Variants in SLC25A24 observed in about 807,000 individuals in gnomAD.
SLC25A24 encodes the protein solute carrier family 25 member 24.
A neutral mutation model predicts 60.7 loss-of-function variants in SLC25A24; 49 were observed. The ratio of observed to expected loss-of-function variants is 0.81; its 90% CI spans 0.64 to 1.02. The LOEUF (loss-of-function observed/expected upper bound fraction) is 1.02, where lower values mean the gene tolerates loss of function less well. SLC25A24 is among the 50% of genes least tolerant of loss of function. The pLI is 0.00. For synonymous variants in SLC25A24, 202 were observed against 200.6 expected (o/e 1.01, Z -0.06); for missense variants, 564 against 586.3 (o/e 0.96, Z 0.39).
At chr1:108,198,110 G>C (rs961972714) in intron 1 of SLC25A24, among the ~76,000 whole-genome samples, 2 of 152,116 alleles carry the variant, frequency 1.3e-5, no homozygotes, top group Non-Finnish European at 2.9e-5. Context: ...CCCTCCCCAG[G>C]AGTCCAGCAG....
chr1:108,136,741 G>A lies in SLC25A24; in HGVS notation c.1346C>T (p.Pro449Leu). 1 of 1,614,052 alleles carries A rather than the reference G, an allele frequency of 6.2e-7. No individual in the cohort carries two copies. Among genetic ancestry groups the A allele is most frequent in the Non-Finnish European group, 8.5e-7 (1 of 1,179,930 alleles). The change falls in exon 10 of 10, where the codon CCA becomes CTA. Residue 449 changes from proline to leucine, a missense_variant. Pro to Leu is a moderately conservative substitution (Grantham distance 98). Transcript: ENST00000565488. ...AGCAGGGAGCACCTTCATGAAGTTT[G>A]GGGTGATGCCTCTGTAAAGTCCTGG... is the stretch of plus-strand genomic sequence containing the variant. ...GIPGLYRGIT[P>L]NFMKVLPAVG...
chr1:108,185,679 C>T (rs1648098673), intron 2 of SLC25A24, 149 bp downstream of exon 2: 1 of 591,042 alleles, frequency 1.7e-6, no homozygotes, highest in African/African-American at 2.0e-5. Context: ...ATAAACTCTA[C>T]ATAAAAATCA....
At chr1:108,180,162 G>A (rs188477625) in intron 3 of SLC25A24, among the ~76,000 whole-genome samples, 18 of 151,982 alleles carry the variant, frequency 1.2e-4, no homozygotes, top group African/African-American at 3.9e-4. Context: ...TCAGGAGTTC[G>A]AGACAAGCCT....
chr1:108,180,197 C>T (rs115877588), intron 3 of SLC25A24, among the ~76,000 whole-genome samples: 10,399 of 146,398 alleles, frequency 0.071, 483 homozygotes, highest in Middle Eastern at 0.14. Context: ...AAACCCGTCT[C>T]TAGTAAAAAT....
Position 108,143,564 on chromosome 1 carries a change from G to C in SLC25A24, c.1077C>G (p.Gly359=), listed in dbSNP as rs1258478738. 1 of 1,612,546 alleles carries C rather than the reference G, an allele frequency of 6.2e-7. No individual in the cohort carries two copies. Among genetic ancestry groups the C allele is most frequent in the African/African-American group, 1.3e-5 (1 of 74,836 alleles). The change falls in exon 8 of 10, where the codon GGC becomes GGG. Residue 359 remains glycine (G), a synonymous_variant. Coordinates refer to ENST00000565488, the MANE Select transcript of SLC25A24 (RefSeq NM_013386.5). ...TCACCTCATACACAGCAAGATCTAT[G>C]CCTGCATAAGGTATGATACCTAATA... ...PNLLGIIPYA[G]IDLAVYELLK... is the part of the protein sequence containing the mutation.
In SLC25A24 at chr1:108,155,453, G is replaced by GAACA. The variant is rs1475241927; in HGVS notation, c.670-322_670-319dup. On this transcript the variant is annotated intron_variant, in intron 5 of 9. Coordinates refer to ENST00000565488, the MANE Select transcript of SLC25A24 (RefSeq NM_013386.5). The stretch of plus-strand genomic sequence containing the variant: ...TAACTAAATTATGTATCAGGCAATG[G>GAACA]AACACCCTTTGAAACATGAACAGGC... Among the ~76,000 whole-genome samples the GAACA allele has an allele frequency of 3.3e-5, 5 of 151,718 alleles. No homozygotes were observed. In the East Asian group the frequency reaches 9.6e-4, roughly 29 times the overall value.
chr1:108,187,392 C>G (rs1030858654), intron 1 of SLC25A24, among the ~76,000 whole-genome samples: 1 of 151,930 alleles, frequency 6.6e-6, no homozygotes, highest in African/African-American at 2.4e-5. Context: ...ATTAACAAAG[C>G]CAAAAGATGG....
intron 1 of SLC25A24, 49 bp from the exon 2 acceptor site, chr1:108,186,003 C>G: frequency 7.1e-7 from 1 of 1,403,890 alleles, no homozygotes; most frequent in Non-Finnish European, 9.7e-7. Context: ...GGCTGATGCA[C>G]TAAATTATTT....
At chr1:108,162,536 G>C (rs1325083483) in intron 3 of SLC25A24, among the ~76,000 whole-genome samples, 1 of 150,834 alleles carries the variant, frequency 6.6e-6, no homozygotes, top group Non-Finnish European at 1.5e-5. Context: ...GCATTTCTCT[G>C]ATGGCCAGTG....
intron 3 of SLC25A24, among the ~76,000 whole-genome samples, chr1:108,167,057 G>C (rs1207969376): frequency 8.0e-6 from 1 of 125,462 alleles, no homozygotes; most frequent in Non-Finnish European, 1.7e-5. Flanking sequence ...GCTGTGTGAG[G>C]TGTCAGTGTG....
chr1:108,174,416 T>C (rs1429885466), intron 3 of SLC25A24, among the ~76,000 whole-genome samples: 1 of 152,218 alleles, frequency 6.6e-6, no homozygotes, highest in East Asian at 1.9e-4. Context: ...TGAGATCCTC[T>C]GCCTAGATTT....
Position 108,171,672 on chromosome 1 carries a change from A to C in SLC25A24, c.398+10269T>G, listed in dbSNP as rs74112054. ...GGACATAGAACTGTTAACCAGATAC[A>C]CATGGTCTGTGCCCTCAGTGGGAAC... On this transcript the variant is annotated intron_variant, in intron 3 of 9. Transcript: ENST00000565488. Among the ~76,000 whole-genome samples, 657 of 152,372 alleles carry C rather than the reference A, an allele frequency of 4.3e-3. 4 individuals carry two copies. Among genetic ancestry groups the C allele is most frequent in the African/African-American group, 0.015 (610 of 41,598 alleles).
intron 3 of SLC25A24, among the ~76,000 whole-genome samples, chr1:108,179,573 C>T (rs1191197957): frequency 1.3e-5 from 2 of 151,694 alleles, no homozygotes; most frequent in Admixed American, 1.3e-4. Context: ...GAAAACTATT[C>T]GGCCATTAAA....
Position 108,143,529 on chromosome 1 carries a change from T to A in SLC25A24, c.1098+14A>T, listed in dbSNP as rs200641397. On this transcript the variant is annotated intron_variant, in intron 8 of 9. Transcript: ENST00000565488. ...AACTGCATTTTCCAATTCAAAAGAT[T>A]TCTACAAACTCACCTCATACACAGC... The A allele has an allele frequency of 6.3e-7, 1 of 1,592,952 alleles. No homozygotes were observed. Among genetic ancestry groups the A allele is most frequent in the African/African-American group, 1.4e-5 (1 of 73,794 alleles).
chr1:108,163,581 A>G (rs190900187), intron 3 of SLC25A24, among the ~76,000 whole-genome samples: 246 of 152,190 alleles, frequency 1.6e-3, no homozygotes, highest in Admixed American at 3.7e-3. Context: ...TTCACTCATG[A>G]TTTGGCTCTC....
Position 108,138,256 on chromosome 1 carries a change from C to T in SLC25A24, c.1249+802G>A, listed in dbSNP as rs186068065. On this transcript the variant is annotated intron_variant, in intron 9 of 9. Transcript: ENST00000565488. ...GCATCTGGCAGTGTCTAGAATGGGA[C>T]AATGGCTCAGGGAGTATTTGCCAAT... Among the ~76,000 whole-genome samples the T allele has an allele frequency of 2.6e-4, 40 of 152,296 alleles. 1 individual carries two copies. The highest frequency in any genetic ancestry group is 5.1e-4 in the Non-Finnish European group (35 of 68,036).
intron 3 of SLC25A24, among the ~76,000 whole-genome samples, chr1:108,176,669 T>C (rs1173473794): frequency 6.6e-6 from 1 of 151,904 alleles, no homozygotes; most frequent in Non-Finnish European, 1.5e-5. Flanking sequence ...CCCAATATGG[T>C]TGGAAACAGA....
chr1:108,140,715 C>A (rs79824950), intron 8 of SLC25A24, among the ~76,000 whole-genome samples: 1 of 151,158 alleles, frequency 6.6e-6, no homozygotes, highest in Non-Finnish European at 1.5e-5. Flanking sequence ...AAATAAGTTG[C>A]TATAACTTTA....
chr1:108,187,120 G>C (rs1648154382), intron 1 of SLC25A24, among the ~76,000 whole-genome samples: 1 of 151,636 alleles, frequency 6.6e-6, no homozygotes, highest in East Asian at 1.9e-4. Flanking sequence ...CATTGTGACT[G>C]GATGGTTTCA....
Sources: allele counts gnomAD v4.1 joint callset (sites outside exome capture counted in the v4.1 genomes callset), GRCh38; gene constraint gnomAD v4.1.1; transcripts MANE v1.5; gene names NCBI Gene and HGNC (gene_info 2026-07-23, HGNC 2026-07-21).